Variants in TBC1D12 observed in about 807,000 individuals in gnomAD.
TBC1D12 encodes the protein TBC1 domain family, member 12.
In TBC1D12, 56 loss-of-function variants were observed where a neutral mutation model predicts 86.7. The ratio of observed to expected loss-of-function variants is 0.65; its 90% CI spans 0.52 to 0.81. The LOEUF (loss-of-function observed/expected upper bound fraction) is 0.81, where lower values mean the gene tolerates loss of function less well. Ranked by LOEUF, TBC1D12 falls within the 30% of genes least tolerant of loss-of-function variation. The pLI, the probability that TBC1D12 is intolerant of heterozygous loss-of-function variation, is 0.00. For missense variants in TBC1D12, 1,023 were observed against 1,038.8 expected (o/e 0.98, Z 0.21); for synonymous variants, 421 against 411.7 (o/e 1.02, Z -0.27).
chr10:94,473,778 A>G (rs2055945068), intron 2 of TBC1D12, among the ~76,000 whole-genome samples: 1 of 152,330 alleles, frequency 6.6e-6, no homozygotes, highest in East Asian at 1.9e-4. Flanking sequence ...GCAAATTTCT[A>G]TAAATAAATT....
At chr10:94,482,180 C>G (rs1234063668) in intron 3 of TBC1D12, among the ~76,000 whole-genome samples, 1 of 152,092 alleles carries the variant, frequency 6.6e-6, no homozygotes, top group African/African-American at 2.4e-5. Flanking sequence ...TAAAGTAGAC[C>G]CCAGTGTCCG....
intron 2 of TBC1D12, among the ~76,000 whole-genome samples, chr10:94,459,095 GAGAGCTGATTGGTCCA>G (rs2055679675): frequency 2.6e-5 from 4 of 151,344 alleles, no homozygotes; most frequent in Non-Finnish European, 1.5e-5. Flanking sequence ...CCATTTTACA[GAGAGCTGATTGGTCCA>G]TTTTACAGAG....
At chr10:94,511,695 T>C (rs1199936996) in intron 9 of TBC1D12, 41 bp downstream of exon 9, 14 of 1,302,882 alleles carry the variant, frequency 1.1e-5, no homozygotes, top group Non-Finnish European at 1.3e-5. Context: ...TATAAGCATT[T>C]TATCTACACT....
At chr10:94,472,392 C>T (rs1221889904) in intron 2 of TBC1D12, among the ~76,000 whole-genome samples, 1 of 152,188 alleles carries the variant, frequency 6.6e-6, no homozygotes, top group East Asian at 1.9e-4. Context: ...CTCAGTTTTT[C>T]TCCACTGGGA....
At chr10:94,501,144 T>A (rs2134189702) in intron 6 of TBC1D12, among the ~76,000 whole-genome samples, 1 of 152,044 alleles carries the variant, frequency 6.6e-6, no homozygotes, top group East Asian at 2.0e-4. Context: ...ATAACTTGAT[T>A]AGCTGCATAA....
At chr10:94,465,866 A>G (rs914190023) in intron 2 of TBC1D12, among the ~76,000 whole-genome samples, 2 of 151,290 alleles carry the variant, frequency 1.3e-5, no homozygotes, top group South Asian at 2.1e-4. Context: ...ATACATACAT[A>G]TATACACATA....
In TBC1D12 at chr10:94,402,643, C is replaced by T. The variant is rs1228771893; in HGVS notation, c.30C>T (p.Cys10=). 1 of 1,611,786 alleles carries T rather than the reference C, an allele frequency of 6.2e-7. No homozygotes were observed. The highest frequency in any genetic ancestry group is 8.5e-7 in the Non-Finnish European group (1 of 1,179,620). MVGPEDAGA[C]SGRNPKLLPV... ...TGGGTCCGGAGGATGCCGGAGCCTG[C>T]TCGGGAAGAAACCCCAAGTTGCTCC... Residue 10 remains cysteine (C), a synonymous_variant, in exon 1 of 13, where the codon TGC becomes TGT. Coordinates refer to ENST00000225235, the MANE Select transcript of TBC1D12 (RefSeq NM_015188.2).
chr10:94,403,217 T>C lies in TBC1D12; in HGVS notation c.604T>C (p.Cys202Arg). ...ASPLEDPLRS[C>R]CLVAADAQEP... is the part of the protein sequence containing the mutation. ...TCCGCTTGAGGACCCGCTGCGGAGC[T>C]GCTGCCTGGTGGCCGCGGACGCCCA... Residue 202 changes from cysteine (C) to arginine (R), a missense_variant, in exon 1 of 13, where the codon TGC (cysteine) becomes CGC (arginine). By Grantham distance (180) the Cys-to-Arg change is radical. Around this residue, in one of 2 missense-constraint regions of TBC1D12, gnomAD observed 628 missense variants for 531.1 expected, o/e 1.18. Coordinates refer to ENST00000225235, the MANE Select transcript of TBC1D12 (RefSeq NM_015188.2). 6.6e-7 allele frequency: 1 copy of C among 1,505,764 alleles called. No homozygotes were observed. Among genetic ancestry groups the C allele is most frequent in the Non-Finnish European group, 8.9e-7 (1 of 1,129,406 alleles). The allele number at this position is 1,505,764 out of a possible 1,614,324, so 93.3% of individuals were successfully genotyped here. A position where few individuals can be genotyped will look rare whatever the true frequency, so the allele number is the denominator to read the frequency against.
At chr10:94,505,189 C>A (rs577952749) in intron 6 of TBC1D12, among the ~76,000 whole-genome samples, 2 of 152,206 alleles carry the variant, frequency 1.3e-5, no homozygotes, top group Non-Finnish European at 2.9e-5. Context: ...AAAAAACTTA[C>A]AATTTTATAC....
At chr10:94,492,878 T>C (rs967457698) in intron 3 of TBC1D12, among the ~76,000 whole-genome samples, 2 of 152,206 alleles carry the variant, frequency 1.3e-5, no homozygotes, top group Non-Finnish European at 2.9e-5. Flanking sequence ...TTATTCATTT[T>C]ATTATATGAA....
chr10:94,402,549 T>C lies in TBC1D12; in HGVS notation c.-65T>C, dbSNP rs915536731. Reference sequence around the variant, plus strand: ...CCGCGGCCCCAGCACCCAGAGCTGTTCTCTGGCCAAGCCTGCGCCTGTAGT... The same window carrying C: ...CCGCGGCCCCAGCACCCAGAGCTGTCCTCTGGCCAAGCCTGCGCCTGTAGT... On this transcript the variant is annotated 5_prime_UTR_variant, in exon 1 of 13. Transcript: ENST00000225235. The C allele has an allele frequency of 7.6e-6, 12 of 1,576,880 alleles. No individual in the cohort carries two copies. In the Admixed American group the frequency reaches 2.0e-4, roughly 26 times the overall value.
chr10:94,406,306 G>A (rs1275157506), intron 1 of TBC1D12, among the ~76,000 whole-genome samples: 1 of 152,138 alleles, frequency 6.6e-6, no homozygotes, highest in Admixed American at 6.5e-5. Context: ...TCAGAGCACT[G>A]GATTTGAAGT....
chr10:94,477,480 G>A lies in TBC1D12; in HGVS notation c.1211+2697G>A, dbSNP rs368928242. On this transcript the variant is annotated intron_variant, in intron 3 of 12. Coordinates refer to ENST00000225235, the MANE Select transcript of TBC1D12 (RefSeq NM_015188.2). ...TTATTGAGTATAAAACCAGCTGAGG[G>A]GAAGAAAACTGTACATGGGAATACC... is the stretch of plus-strand genomic sequence containing the variant. 5.5e-4 allele frequency among the ~76,000 whole-genome samples: 84 copies of A among 152,274 alleles called. 1 individual carries two copies. The South Asian group carries it at 8.1e-3, about 15-fold the overall frequency.
At chr10:94,532,913 G>T in intron 12 of TBC1D12, 115 bp from the exon 13 acceptor site, 1 of 564,388 alleles carries the variant, frequency 1.8e-6, no homozygotes, top group Non-Finnish European at 3.0e-6. Context: ...CACACTTTCG[G>T]GGACAGTGTT....
At chr10:94,531,714 G>GTTATTTTATTTTATT (rs1429635390) in intron 12 of TBC1D12, among the ~76,000 whole-genome samples, 1 of 119,250 alleles carries the variant, frequency 8.4e-6, no homozygotes, top group African/African-American at 2.8e-5. Context: ...GTTATTTTAT[G>GTTATTTTATTTTATT]TTATTTTATG....
chr10:94,507,166 A>G (rs2056469848), intron 6 of TBC1D12, 101 bp from the exon 7 acceptor site: 1 of 1,138,406 alleles, frequency 8.8e-7, no homozygotes, highest in African/African-American at 1.6e-5. Flanking sequence ...TTGCTACATC[A>G]GAGAGACCTG....
At chr10:94,427,587 T>A (rs2055163195) in intron 1 of TBC1D12, among the ~76,000 whole-genome samples, 1 of 152,122 alleles carries the variant, frequency 6.6e-6, no homozygotes, top group Non-Finnish European at 1.5e-5. Context: ...ATCCCAGCAC[T>A]TTGGGAGGCC....
At chr10:94,530,323 G>C (rs1298514230) in intron 11 of TBC1D12, among the ~76,000 whole-genome samples, 1 of 152,132 alleles carries the variant, frequency 6.6e-6, no homozygotes, top group Non-Finnish European at 1.5e-5. Context: ...CCATTTTGGT[G>C]ATTCTATTGG....
At chr10:94,449,925 C>T (rs2055524801) in intron 2 of TBC1D12, among the ~76,000 whole-genome samples, 1 of 152,186 alleles carries the variant, frequency 6.6e-6, no homozygotes, top group African/African-American at 2.4e-5. Flanking sequence ...TGGTACACTT[C>T]TTTGGTAAAT....
Sources: gnomAD v4.1 joint callset for allele counts (sites outside exome capture counted in the v4.1 genomes callset) on GRCh38, gnomAD v4.1.1 for gene constraint, gnomAD v4.1.1 regional missense constraint, MANE v1.5 for transcripts, NCBI Gene and HGNC (gene_info 2026-07-23, HGNC 2026-07-21) for gene names.